HSD17B12: variants seen among roughly 807,000 people sequenced by gnomAD.
HSD17B12 encodes the protein hydroxysteroid 17-beta dehydrogenase 12.
HSD17B12 carries 32 observed loss-of-function variants against 39.3 expected under a neutral mutation model. The ratio of observed to expected loss-of-function variants is 0.81; its 90% CI spans 0.61 to 1.09. The LOEUF is 1.09. HSD17B12 is among the 50% of genes least tolerant of loss of function. The pLI is 0.00. For synonymous variants in HSD17B12, 150 were observed against 146.7 expected, an observed-to-expected ratio of 1.02 and a Z score of -0.16; for missense variants, 342 against 382.9, an observed-to-expected ratio of 0.89 and a Z score of 0.89.
intron 1 of HSD17B12, chr11:43,734,532 G>A: frequency 1.7e-6 from 1 of 599,132 alleles, no homozygotes; most frequent in Middle Eastern, 3.1e-4. Flanking sequence ...CTACCTGCCA[G>A]CAGGGCAGTC....
At chr11:43,566,865 C>G in the HSD17B12 span, among the ~76,000 whole-genome samples, 5 of 152,124 alleles carry the variant, frequency 3.3e-5, no homozygotes, top group Admixed American at 6.5e-5. Flanking sequence ...AAGATCTGTG[C>G]CCCGATAGGT....
chr11:43,697,806 G>A (rs1406062673), intron 1 of HSD17B12, among the ~76,000 whole-genome samples: 1 of 152,180 alleles, frequency 6.6e-6, no homozygotes, highest in Non-Finnish European at 1.5e-5. Context: ...GAGGAGAGAG[G>A]CAATAGATAA....
At chr11:43,845,186 G>T (rs978925949) in intron 9 of HSD17B12, among the ~76,000 whole-genome samples, 1 of 152,270 alleles carries the variant, frequency 6.6e-6, no homozygotes, top group Non-Finnish European at 1.5e-5. Context: ...GTCTCACTTT[G>T]TCACCTAGGC....
the HSD17B12 span, among the ~76,000 whole-genome samples, chr11:43,648,170 T>TTC: frequency 2.6e-5 from 4 of 152,216 alleles, no homozygotes; most frequent in Admixed American, 2.6e-4. Context: ...TTGTTCAGTT[T>TTC]TCTCTCTCAG....
intron 1 of HSD17B12, among the ~76,000 whole-genome samples, chr11:43,695,405 C>A (rs535816427): frequency 2.0e-5 from 3 of 152,062 alleles, no homozygotes; most frequent in East Asian, 3.9e-4. Flanking sequence ...ACGGTGAAAA[C>A]CGGTCTCTAC....
At chr11:43,828,707 G>C (rs1951275996) in intron 6 of HSD17B12, among the ~76,000 whole-genome samples, 1 of 152,094 alleles carries the variant, frequency 6.6e-6, no homozygotes, top group Non-Finnish European at 1.5e-5. Flanking sequence ...GCTGTGAAAT[G>C]GAGTTCAGAT....
the HSD17B12 span, among the ~76,000 whole-genome samples, chr11:43,647,442 ATTTT>A: frequency 4.1e-5 from 5 of 123,286 alleles, no homozygotes; most frequent in African/African-American, 6.2e-5. Context: ...CACCTTGCTA[ATTTT>A]TTTTTTTTTT....
chr11:43,681,837 T>C (rs1949748546), intron 1 of HSD17B12, among the ~76,000 whole-genome samples: 1 of 141,258 alleles, frequency 7.1e-6, no homozygotes, highest in African/African-American at 2.5e-5. Flanking sequence ...CCCCCCCCTT[T>C]TTTTTTTCTT....
At chr11:43,718,633 A>G (rs774825161) in intron 1 of HSD17B12, 2 of 653,656 alleles carry the variant, frequency 3.1e-6, no homozygotes, top group Non-Finnish European at 5.4e-6. Flanking sequence ...TAAGTCTCTT[A>G]CCCCATGTAT....
chr11:43,820,882 TG>T (rs1951175976), intron 6 of HSD17B12, among the ~76,000 whole-genome samples: 1 of 152,216 alleles, frequency 6.6e-6, no homozygotes, highest in South Asian at 2.1e-4. Flanking sequence ...CTGAATGACC[TG>T]GCTTTACATT....
At chr11:43,584,636 G>A in the HSD17B12 span, 1 of 152,274 alleles carries the variant, frequency 6.6e-6, no homozygotes, top group Admixed American at 6.5e-5. Context: ...AAGGCCACAG[G>A]TGATGAAGAG....
intron 2 of HSD17B12, among the ~76,000 whole-genome samples, chr11:43,752,625 A>T (rs1242594126): frequency 1.3e-5 from 2 of 151,994 alleles, no homozygotes; most frequent in African/African-American, 2.4e-5. Flanking sequence ...GAGGCAGGAG[A>T]ATCGCTTGAA....
Position 43,759,423 on chromosome 11 carries a change from A to G in HSD17B12, c.283+5302A>G, listed in dbSNP as rs145950757. Among the ~76,000 whole-genome samples, 602 of 152,318 alleles carry G rather than the reference A, an allele frequency of 4.0e-3. 6 individuals carry two copies. The highest frequency in any genetic ancestry group is 0.014 in the African/African-American group (577 of 41,572). Reference sequence around the variant, plus strand: ...CTTTGATGAAATTACAGTTCTTTGTAAGGATACCTGTCACCCTTTTAATTA... The same window carrying G: ...CTTTGATGAAATTACAGTTCTTTGTGAGGATACCTGTCACCCTTTTAATTA... On this transcript the variant is annotated intron_variant, in intron 3 of 10. Coordinates refer to ENST00000278353, the MANE Select transcript of HSD17B12 (RefSeq NM_016142.3).
At chr11:43,799,999 C>G (rs958752148) in intron 4 of HSD17B12, among the ~76,000 whole-genome samples, 8 of 152,284 alleles carry the variant, frequency 5.3e-5, no homozygotes, top group Non-Finnish European at 7.4e-5. Flanking sequence ...CTGGTTTTTG[C>G]CTTTGTGTTT....
intron 3 of HSD17B12, among the ~76,000 whole-genome samples, chr11:43,783,510 C>T (rs1284034919): frequency 6.6e-6 from 1 of 151,510 alleles, no homozygotes; most frequent in Non-Finnish European, 1.5e-5. Context: ...GTTTGTTCCA[C>T]CCATCAACTC....
At chr11:43,805,597 A>G (rs1951010583) in intron 4 of HSD17B12, among the ~76,000 whole-genome samples, 1 of 152,216 alleles carries the variant, frequency 6.6e-6, no homozygotes. Flanking sequence ...AGCAGAGGCT[A>G]TTATTCTAGG....
At chr11:43,697,560 A>G (rs747054708) in intron 1 of HSD17B12, among the ~76,000 whole-genome samples, 2 of 152,218 alleles carry the variant, frequency 1.3e-5, no homozygotes, top group Non-Finnish European at 2.9e-5. Context: ...CCAAAGTCAC[A>G]TAGTAAGTGG....
rs553607907 is a variant in HSD17B12, at chr11:43,748,887, AC to A, written c.161-2023del. Among the ~76,000 whole-genome samples, 847 of 152,334 alleles carry A rather than the reference AC, an allele frequency of 5.6e-3. 7 individuals carry two copies. The highest frequency in any genetic ancestry group is 0.01 in the Non-Finnish European group (692 of 68,012). The stretch of plus-strand genomic sequence containing the variant: ...CTTATGCAATCTATATATCATGGTA[AC>A]TAACTAATGAGGAATAATTTGTCTC... On this transcript the variant is annotated intron_variant, in intron 1 of 10. Transcript: ENST00000278353.
the HSD17B12 span, among the ~76,000 whole-genome samples, chr11:43,591,910 T>C: frequency 6.6e-6 from 1 of 152,214 alleles, no homozygotes; most frequent in South Asian, 2.1e-4. Context: ...GATAATTCAT[T>C]AATATGTTTA....
Sources: allele counts gnomAD v4.1 joint callset (sites outside exome capture counted in the v4.1 genomes callset), GRCh38; gene constraint gnomAD v4.1.1; transcripts MANE v1.5; gene names NCBI Gene and HGNC (gene_info 2026-07-23, HGNC 2026-07-21).